The following PDE7A variants were observed in gnomAD, a reference collection of about 807,000 sequenced individuals.
PDE7A encodes phosphodiesterase 7A.
PDE7A carries 39 observed loss-of-function variants against 64.3 expected under a neutral mutation model. That is an observed-to-expected ratio of 0.61 (90% CI 0.47 to 0.79). PDE7A has a LOEUF of 0.79. Among genes scored for constraint, PDE7A ranks in the 30% least tolerant of loss-of-function variants. The pLI, the probability that PDE7A is intolerant of heterozygous loss-of-function variation, is 0.00. For synonymous variants in PDE7A, 203 were observed against 206.8 expected (o/e 0.98, Z 0.16); for missense variants, 470 against 582.8 (o/e 0.81, Z 1.99).
intron 1 of PDE7A, among the ~76,000 whole-genome samples, chr8:65,790,618 T>A (rs141535662): frequency 3.3e-4 from 50 of 152,356 alleles, no homozygotes; most frequent in African/African-American, 9.9e-4. Flanking sequence ...CAAAATGAAG[T>A]GCAAATTAAA....
chr8:65,750,545 A>G (rs1807898679), intron 3 of PDE7A, among the ~76,000 whole-genome samples: 1 of 151,378 alleles, frequency 6.6e-6, no homozygotes, highest in Non-Finnish European at 1.5e-5. Context: ...AGAGAATTTG[A>G]GAATCTCTTT....
At chr8:65,812,132 A>C (rs1440558781) in intron 1 of PDE7A, among the ~76,000 whole-genome samples, 1 of 151,212 alleles carries the variant, frequency 6.6e-6, no homozygotes, top group Non-Finnish European at 1.5e-5. Context: ...ATTTGAACTC[A>C]GGAGGTGGAG....
chr8:65,776,891 C>T (rs1192394202), intron 3 of PDE7A, among the ~76,000 whole-genome samples: 1 of 152,038 alleles, frequency 6.6e-6, no homozygotes, highest in East Asian at 1.9e-4. Context: ...TGAAACAATA[C>T]TGAATAGGAA....
chr8:65,824,672 G>C (rs1292095762), intron 1 of PDE7A, among the ~76,000 whole-genome samples: 1 of 152,208 alleles, frequency 6.6e-6, no homozygotes, highest in Admixed American at 6.5e-5. Context: ...CCAGCAGAAA[G>C]ATTACAACTT....
chr8:65,772,242 A>G (rs994191265), intron 3 of PDE7A, among the ~76,000 whole-genome samples: 6 of 152,232 alleles, frequency 3.9e-5, no homozygotes, highest in Non-Finnish European at 7.3e-5. Flanking sequence ...AATTTAATAC[A>G]CATATCCAGA....
chr8:65,824,660 G>A (rs1307625101), intron 1 of PDE7A, among the ~76,000 whole-genome samples: 1 of 152,130 alleles, frequency 6.6e-6, no homozygotes, highest in African/African-American at 2.4e-5. Context: ...CAAGACCCTC[G>A]ACCAGCAGAA....
Position 65,841,380 on chromosome 8 carries a change from C to T in PDE7A, c.129G>A (p.Gln43=). The change falls in exon 1 of 13, where the codon CAG becomes CAA. Residue 43 remains glutamine, a synonymous_variant. Coordinates refer to ENST00000401827, the MANE Select transcript of PDE7A (RefSeq NM_001242318.3). The stretch of plus-strand genomic sequence containing the variant: ...CGGCGGCGGCGATTACCTGAGAGAG[C>T]TGCCGGGGATTGGGGCAGCCGAAGA... ...SALFGCPNPR[Q]LSQRRGAISY... 1 of 1,557,364 alleles carries T rather than the reference C, an allele frequency of 6.4e-7. No homozygotes were observed. Among genetic ancestry groups the T allele is most frequent in the Non-Finnish European group, 8.6e-7 (1 of 1,156,564 alleles).
intron 12 of PDE7A, chr8:65,720,410 G>A (rs1038189514): frequency 3.2e-5 from 5 of 154,052 alleles, no homozygotes; most frequent in South Asian, 2.0e-4. Context: ...CAAGACTCTC[G>A]TTGCAGCAAA....
intron 2 of PDE7A, 46 bp from the exon 3 acceptor site, chr8:65,779,849 C>A (rs764297903): frequency 2.4e-6 from 3 of 1,229,774 alleles, no homozygotes; most frequent in African/African-American, 1.5e-5. Flanking sequence ...GGTTGTCATT[C>A]GGGAAGAAGC....
chr8:65,735,384 T>C (rs904948023), intron 6 of PDE7A, among the ~76,000 whole-genome samples: 4 of 151,810 alleles, frequency 2.6e-5, no homozygotes, highest in Admixed American at 6.6e-5. Flanking sequence ...TCATGGCTCA[T>C]TGCAGCCCTG....
At chr8:65,823,941 T>C (rs930479990) in intron 1 of PDE7A, among the ~76,000 whole-genome samples, 1 of 150,000 alleles carries the variant, frequency 6.7e-6, no homozygotes, top group Non-Finnish European at 1.5e-5. Flanking sequence ...CAAAATGTTC[T>C]TTCTCAATAC....
At chr8:65,827,044 A>G (rs985848965) in intron 1 of PDE7A, among the ~76,000 whole-genome samples, 3 of 152,214 alleles carry the variant, frequency 2.0e-5, no homozygotes, top group Non-Finnish European at 4.4e-5. Flanking sequence ...TTCTCATCTT[A>G]ACTACATTTG....
chr8:65,782,898 C>A, intron 1 of PDE7A, 55 bp from the exon 2 acceptor site: 1 of 1,002,392 alleles, frequency 1.0e-6, no homozygotes, highest in Non-Finnish European at 1.5e-6. Flanking sequence ...ATACAAAATT[C>A]AACTCAACAA....
intron 3 of PDE7A, among the ~76,000 whole-genome samples, chr8:65,773,272 C>G (rs1477503236): frequency 6.6e-6 from 1 of 152,022 alleles, no homozygotes; most frequent in Non-Finnish European, 1.5e-5. Context: ...GCATTTTTCT[C>G]TATTAAAAAA....
intron 1 of PDE7A, among the ~76,000 whole-genome samples, chr8:65,804,336 C>G (rs949990936): frequency 1.3e-5 from 2 of 152,084 alleles, no homozygotes; most frequent in Non-Finnish European, 2.9e-5. Flanking sequence ...TACTTTTACC[C>G]AATTTATTTC....
chr8:65,772,525 G>A (rs1386201849), intron 3 of PDE7A, among the ~76,000 whole-genome samples: 1 of 152,138 alleles, frequency 6.6e-6, no homozygotes, highest in Non-Finnish European at 1.5e-5. Context: ...GGAAGAAGAG[G>A]GGTAAAAAAG....
chr8:65,729,022 A>C (rs1799714573), intron 7 of PDE7A, among the ~76,000 whole-genome samples: 1 of 152,216 alleles, frequency 6.6e-6, no homozygotes, highest in Non-Finnish European at 1.5e-5. Context: ...ACCTTTCATC[A>C]GAAACAAAAT....
At chr8:65,793,792 A>C (rs1198757941) in intron 1 of PDE7A, among the ~76,000 whole-genome samples, 2 of 148,026 alleles carry the variant, frequency 1.4e-5, no homozygotes, top group Non-Finnish European at 3.1e-5. Flanking sequence ...CCTAAGAAGA[A>C]GTCTACCTTT....
At chr8:65,840,541 C>G (rs1811056059) in intron 1 of PDE7A, among the ~76,000 whole-genome samples, 1 of 152,202 alleles carries the variant, frequency 6.6e-6, no homozygotes, top group Non-Finnish European at 1.5e-5. Flanking sequence ...TTAGCCATAA[C>G]TTCTGGCAGC....
Sources: allele counts gnomAD v4.1 joint callset (sites outside exome capture counted in the v4.1 genomes callset), GRCh38; gene constraint gnomAD v4.1.1; transcripts MANE v1.5; gene names NCBI Gene and HGNC (gene_info 2026-07-23, HGNC 2026-07-21).